SSX1: variants seen among roughly 807,000 people sequenced by gnomAD.
The protein encoded by SSX1 is protein SSX1.
In SSX1, 58 loss-of-function variants were observed where a neutral mutation model predicts 14.6. The ratio of observed to expected loss-of-function variants is 3.96; its 90% CI spans 3.21 to 4.93. The LOEUF is 4.93. Among genes scored for constraint, SSX1 ranks in the 30% most tolerant of loss-of-function variants. SSX1 has a pLI of 0.00. For missense variants in SSX1, 272 were observed against 143.1 expected (o/e 1.90, Z -4.60); for synonymous variants, 46 against 52.1 (o/e 0.88, Z 0.50).
chrX:48,264,048 G>A, intron 6 of SSX1, 131 bp downstream of exon 6: 1 of 1,076,014 alleles, frequency 9.3e-7, no homozygotes. Flanking sequence ...CCCAGCTCCA[G>A]ATGAGATGTT....
At chrX:48,261,330 T>A in intron 4 of SSX1, among the ~76,000 whole-genome samples, 1 of 111,769 alleles carries the variant, frequency 8.9e-6, no homozygotes, top group Middle Eastern at 4.6e-3. Flanking sequence ...ATACTGAAAA[T>A]ATTTCAGAGC....
In SSX1 at chrX:48,266,370, G is replaced by T. The variant is rs1461916338; in HGVS notation, c.550G>T (p.Glu184Ter). The change falls in exon 7 of 8, where the codon GAG (glutamate) becomes TAG (stop). Residue 184 changes from glutamate (E) to a stop codon, truncating the protein, a stop_gained. Coordinates refer to ENST00000376919, the MANE Select transcript of SSX1 (RefSeq NM_005635.4). LOFTEE classifies it high-confidence loss of function. ...GATTTATGAAGAGATCAGTGACCCT[G>T]AGGAAGATGACGAGTAACTCCGTAA... ...LVIYEEISDP[E>*]EDDE is the part of the protein sequence containing the mutation. 1 of 1,210,367 alleles carries T rather than the reference G, an allele frequency of 8.3e-7. No individual in the cohort carries two copies. The highest frequency in any genetic ancestry group is 3.0e-5 in the East Asian group (1 of 33,860).
intron 3 of SSX1, among the ~76,000 whole-genome samples, chrX:48,258,126 T>C (rs782013590): frequency 4.7e-5 from 5 of 106,748 alleles, no homozygotes; most frequent in Non-Finnish European, 7.7e-5. Context: ...TCTGTGGCAT[T>C]GCAGCACACC....
chrX:48,263,864 A>G lies in SSX1; in HGVS notation c.413A>G (p.Gln138Arg). 8.3e-7 allele frequency: 1 copy of G among 1,211,874 alleles called. No homozygotes were observed. The highest frequency in any genetic ancestry group is 1.1e-6 in the Non-Finnish European group (1 of 895,487). Residue 138 changes from glutamine to arginine, a missense_variant, in exon 6 of 8, where the codon CAA becomes CGA. Gln to Arg is a conservative substitution (Grantham distance 43). Coordinates refer to ENST00000376919, the MANE Select transcript of SSX1 (RefSeq NM_005635.4). Reference sequence around the variant, plus strand: ...TCTGGCCCACAAAACGATGGGAAACAACTGCACCCCCCAGGAAAAGCAAAT... The same window carrying G: ...TCTGGCCCACAAAACGATGGGAAACGACTGCACCCCCCAGGAAAAGCAAAT... Reference protein sequence around the residue: ...EASGPQNDGKQLHPPGKANIS... With the variant: ...EASGPQNDGKRLHPPGKANIS...
intron 4 of SSX1, among the ~76,000 whole-genome samples, 199 bp from the exon 5 acceptor site, chrX:48,261,567 T>A (rs12836908): frequency 0.42 from 46,255 of 111,003 alleles, 7,054 homozygotes; most frequent in Non-Finnish European, 0.46. Flanking sequence ...AGAAACCATG[T>A]GATGTAAAAT....
rs782457649 is a variant in SSX1, at chrX:48,257,786, G to C, written c.110G>C (p.Trp37Ser). 74 of 1,205,176 alleles carry C rather than the reference G, an allele frequency of 6.1e-5. No individual in the cohort carries two copies. The highest frequency in any genetic ancestry group is 7.5e-5 in the Non-Finnish European group (67 of 892,652). The part of the protein sequence containing the change: ...DIATYFSKKE[W>S]KKMKYSEKIS... ...GCCACATACTTCTCTAAGAAAGAGT[G>C]GAAAAAGATGAAATACTCGGAGAAA... The change falls in exon 3 of 8, where the codon TGG becomes TCG. Residue 37 changes from tryptophan to serine, a missense_variant. Trp to Ser is a radical substitution (Grantham distance 177, BLOSUM62 -3). Transcript: ENST00000376919.
chrX:48,257,254 G>C lies in SSX1; in HGVS notation c.13G>C (p.Asp5His), dbSNP rs142416571. The change falls in exon 2 of 8, where the codon GAC becomes CAC. Residue 5 changes from aspartate to histidine, a missense_variant. Asp to His is a moderately conservative substitution (Grantham distance 81, BLOSUM62 -1). Transcript: ENST00000376919. MNGDDTFAKRPRDDA... is the reference protein window; with the variant it reads MNGDHTFAKRPRDDA... ...TGCTCCTGGTGCCATGAACGGAGAC[G>C]ACACCTTTGCAAAGAGACCCAGGGA... 2 of 1,210,966 alleles carry C rather than the reference G, an allele frequency of 1.7e-6. No homozygotes were observed. Among genetic ancestry groups the C allele is most frequent in the East Asian group, 3.0e-5 (1 of 33,837 alleles).
intron 2 of SSX1, 142 bp downstream of exon 2, chrX:48,257,452 G>T (rs1304511742): frequency 7.7e-6 from 9 of 1,167,651 alleles, no homozygotes; most frequent in Non-Finnish European, 1.0e-5. Context: ...CCTCCCACCT[G>T]TGTTCTGTCA....
chrX:48,264,220 C>T (rs1214773014), intron 6 of SSX1, among the ~76,000 whole-genome samples: 2 of 111,972 alleles, frequency 1.8e-5, no homozygotes, highest in Non-Finnish European at 3.8e-5. Flanking sequence ...AAATTAAATC[C>T]TGAAGGCCTG....
intron 5 of SSX1, among the ~76,000 whole-genome samples, chrX:48,262,320 T>C (rs1556935618): frequency 8.9e-6 from 1 of 112,072 alleles, no homozygotes; most frequent in Non-Finnish European, 1.9e-5. Context: ...ACAGTGTCAG[T>C]GGTAGTCTAA....
At chrX:48,260,040 A>G (rs1428225880) in intron 4 of SSX1, among the ~76,000 whole-genome samples, 9 of 99,473 alleles carry the variant, frequency 9.0e-5, no homozygotes, top group African/African-American at 3.3e-4. Context: ...GACTTCCACA[A>G]TGGTTGAACT....
In SSX1 at chrX:48,257,209, G is replaced by C; in HGVS notation, c.-20-13G>C. On this transcript the variant is annotated splice_polypyrimidine_tract_variant and intron_variant, in intron 1 of 7. Transcript: ENST00000376919. ...TCCTGTAGCTAGAAAGTCTCAGGCT[G>C]TTTCTCTTGCAGGTGAGACTGCTCC... 1.7e-6 allele frequency: 2 copies of C among 1,207,386 alleles called. No homozygotes were observed. The highest frequency in any genetic ancestry group is 2.2e-6 in the Non-Finnish European group (2 of 891,595).
At chrX:48,259,143 C>G in intron 4 of SSX1, among the ~76,000 whole-genome samples, 1 of 110,917 alleles carries the variant, frequency 9.0e-6, no homozygotes, top group Non-Finnish European at 1.9e-5. Context: ...ATTACAGGCG[C>G]CCGCCACCAT....
intron 6 of SSX1, among the ~76,000 whole-genome samples, chrX:48,265,516 C>T (rs782287913): frequency 3.0e-4 from 32 of 107,235 alleles, no homozygotes; most frequent in African/African-American, 1.0e-3. Context: ...TCAGAATACA[C>T]ACAACATTGA....
Position 48,257,884 on chromosome X carries a change from A to G in SSX1, c.184+24A>G, listed in dbSNP as rs1406892281. ...AGGTAACAGAAAGTTCTAGGAACAG[A>G]CAAGTCTGGGGATACATGAGCATCC... On this transcript the variant is annotated intron_variant, in intron 3 of 7. Coordinates refer to ENST00000376919, the MANE Select transcript of SSX1 (RefSeq NM_005635.4). The G allele has an allele frequency of 1.2e-5, 12 of 1,017,582 alleles. No individual in the cohort carries two copies. The African/African-American group carries it at 2.3e-4, about 19-fold the overall frequency. 83.9% of individuals were successfully genotyped at this position (1,017,582 alleles called of 1,213,427 possible).
At chrX:48,260,487 T>C (rs1211679482) in intron 4 of SSX1, among the ~76,000 whole-genome samples, 9 of 111,750 alleles carry the variant, frequency 8.1e-5, no homozygotes, top group African/African-American at 2.9e-4. Context: ...TTGGCTTTTG[T>C]TGCCATTGCT....
intron 5 of SSX1, among the ~76,000 whole-genome samples, chrX:48,262,500 C>A (rs1435121656): frequency 5.4e-5 from 6 of 111,822 alleles, no homozygotes; most frequent in African/African-American, 1.6e-4. Flanking sequence ...GGGGCCACTC[C>A]CATGGCTTAG....
chrX:48,264,989 T>C, intron 6 of SSX1, among the ~76,000 whole-genome samples: 1 of 112,137 alleles, frequency 8.9e-6, no homozygotes, highest in East Asian at 2.8e-4. Flanking sequence ...CAACCTCTGC[T>C]AGTTTCACAC....
intron 2 of SSX1, 161 bp from the exon 3 acceptor site, chrX:48,257,585 G>A (rs1314788138): frequency 2.7e-6 from 2 of 750,763 alleles, no homozygotes; most frequent in East Asian, 1.5e-4. Flanking sequence ...TGCCACGGGA[G>A]AAGCTAGGGT....
Sources: allele counts gnomAD v4.1 joint callset (sites outside exome capture counted in the v4.1 genomes callset), GRCh38; gene constraint gnomAD v4.1.1; transcripts MANE v1.5; gene names NCBI Gene and HGNC (gene_info 2026-07-23, HGNC 2026-07-21).